The following IPO11 variants were observed in gnomAD, a reference collection of about 807,000 sequenced individuals.
IPO11 encodes the protein importin 11.
A neutral mutation model predicts 143.2 loss-of-function variants in IPO11; 66 were observed. That is an observed-to-expected ratio of 0.46 (90% CI 0.38 to 0.57). The LOEUF is 0.57. IPO11 is among the 20% of genes least tolerant of loss of function. The pLI, the probability that IPO11 is intolerant of heterozygous loss-of-function variation, is 0.00. For missense variants in IPO11, 1,026 were observed against 1,141.0 expected (o/e 0.90, Z 1.45); for synonymous variants, 385 against 377.8 (o/e 1.02, Z -0.22).
chr5:62,531,786 C>T (rs903082876), intron 22 of IPO11, among the ~76,000 whole-genome samples: 1 of 152,144 alleles, frequency 6.6e-6, no homozygotes, highest in African/African-American at 2.4e-5. Context: ...CACATTTTCT[C>T]CTAAATTTTT....
intron 29 of IPO11, among the ~76,000 whole-genome samples, chr5:62,609,617 T>C (rs989257331): frequency 1.3e-5 from 2 of 152,184 alleles, no homozygotes; most frequent in African/African-American, 2.4e-5. Context: ...AACTGAGATG[T>C]AGGGCTGACA....
chr5:62,481,689 C>T (rs1746219407), intron 9 of IPO11, among the ~76,000 whole-genome samples: 1 of 152,110 alleles, frequency 6.6e-6, no homozygotes, highest in African/African-American at 2.4e-5. Context: ...AGGATTTTCG[C>T]ATTGATGTTC....
intron 16 of IPO11, among the ~76,000 whole-genome samples, chr5:62,502,901 C>T (rs1054414670): frequency 6.6e-6 from 1 of 152,166 alleles, no homozygotes; most frequent in Non-Finnish European, 1.5e-5. Context: ...CAGCTTACTG[C>T]AACCCTCGCC....
chr5:62,597,210 G>T (rs965094438), intron 28 of IPO11, among the ~76,000 whole-genome samples: 17 of 152,070 alleles, frequency 1.1e-4, no homozygotes, highest in African/African-American at 3.9e-4. Flanking sequence ...GGAAACCTGT[G>T]GCATCAGGAT....
At chr5:62,451,024 G>A (rs1744906542) in intron 4 of IPO11, among the ~76,000 whole-genome samples, 1 of 152,112 alleles carries the variant, frequency 6.6e-6, no homozygotes, top group Non-Finnish European at 1.5e-5. Flanking sequence ...ACCTTTAATG[G>A]GGCAGGAGGT....
At chr5:62,427,006 C>A (rs1439070004) in intron 1 of IPO11, among the ~76,000 whole-genome samples, 4 of 138,352 alleles carry the variant, frequency 2.9e-5, no homozygotes, top group African/African-American at 2.7e-5. Flanking sequence ...GGCGCGATCT[C>A]GGCTCCCTGC....
chr5:62,527,417 C>T (rs1030852302), intron 21 of IPO11, among the ~76,000 whole-genome samples: 1 of 152,172 alleles, frequency 6.6e-6, no homozygotes, highest in East Asian at 1.9e-4. Context: ...GCCAATTAAA[C>T]ATCATTTATA....
chr5:62,596,096 TAA>T (rs34184081), intron 28 of IPO11, among the ~76,000 whole-genome samples: 190 of 140,572 alleles, frequency 1.4e-3, no homozygotes, highest in Non-Finnish European at 1.2e-3. Flanking sequence ...CTGTCTCTAT[TAA>T]AAAAAAAAAA....
chr5:62,476,856 G>T, intron 9 of IPO11, 103 bp downstream of exon 9: 1 of 1,235,046 alleles, frequency 8.1e-7, no homozygotes, highest in Non-Finnish European at 1.1e-6. Flanking sequence ...TTAGTGTAAG[G>T]AAACCTATGT....
chr5:62,575,998 A>T (rs1320223890), intron 27 of IPO11: 1 of 152,310 alleles, frequency 6.6e-6, no homozygotes, highest in East Asian at 1.9e-4. Flanking sequence ...GCCTTAGCAG[A>T]AGGATCGCTT....
At chr5:62,518,306 A>AT (rs1223178428) in intron 20 of IPO11, among the ~76,000 whole-genome samples, 4 of 151,930 alleles carry the variant, frequency 2.6e-5, no homozygotes, top group African/African-American at 9.7e-5. Context: ...TAGCCAGGTG[A>AT]GGTGGCACAT....
chr5:62,524,293 A>T (rs1332862247), intron 20 of IPO11, among the ~76,000 whole-genome samples: 2 of 152,196 alleles, frequency 1.3e-5, no homozygotes, highest in Non-Finnish European at 2.9e-5. Context: ...CTATAATTAC[A>T]TAAGATGTAA....
chr5:62,487,563 CTT>C (rs1746454358), intron 12 of IPO11, among the ~76,000 whole-genome samples: 1 of 151,304 alleles, frequency 6.6e-6, no homozygotes, highest in Admixed American at 6.6e-5. Flanking sequence ...ATGAAATCAA[CTT>C]TCTTTTATTA....
intron 29 of IPO11, among the ~76,000 whole-genome samples, chr5:62,621,996 G>A (rs779404987): frequency 2.0e-5 from 3 of 151,930 alleles, no homozygotes; most frequent in Non-Finnish European, 2.9e-5. Flanking sequence ...GCAAGTAATG[G>A]TAAATGGGTT....
At chr5:62,435,202 A>ATATATATGTG (rs1744170232) in intron 1 of IPO11, among the ~76,000 whole-genome samples, 1 of 107,016 alleles carries the variant, frequency 9.3e-6, no homozygotes, top group Non-Finnish European at 1.9e-5. Flanking sequence ...ATATATATGT[A>ATATATATGTG]TATATATGTG....
Position 62,506,348 on chromosome 5 carries a change from C to T in IPO11, c.1773C>T (p.Val591=). ...TCCTTTCTTGTGTGATCGAAAGAGTCAACATGCAGGTAATTATATTGTAAA... is the reference window on the plus strand; with the variant it reads ...TCCTTTCTTGTGTGATCGAAAGAGTTAACATGCAGGTAATTATATTGTAAA... ...LHVLSCVIER[V]NMQIRPYVGC... is the part of the protein sequence containing the mutation. The change falls in exon 19 of 30, where the codon GTC becomes GTT. Residue 591 remains valine, a synonymous_variant. Transcript: ENST00000325324. 1 of 1,479,764 alleles carries T rather than the reference C, an allele frequency of 6.8e-7. No homozygotes were observed. Among genetic ancestry groups the T allele is most frequent in the South Asian group, 1.1e-5 (1 of 87,288 alleles). The allele number at this position is 1,479,764 out of a possible 1,614,324, so 91.7% of individuals were successfully genotyped here.
intron 25 of IPO11, 99 bp downstream of exon 25, chr5:62,550,561 G>A (rs1419853427): frequency 3.9e-6 from 3 of 763,444 alleles, no homozygotes; most frequent in Non-Finnish European, 6.1e-6. Context: ...CTTGTCATTT[G>A]GATCATATTA....
intron 20 of IPO11, among the ~76,000 whole-genome samples, chr5:62,518,667 A>G (rs1366132374): frequency 1.3e-5 from 2 of 152,114 alleles, no homozygotes; most frequent in African/African-American, 4.8e-5. Context: ...AAATACTGCT[A>G]TCTTTTGGCT....
chr5:62,502,769 G>A (rs1741390646), intron 16 of IPO11, among the ~76,000 whole-genome samples: 1 of 152,060 alleles, frequency 6.6e-6, no homozygotes, highest in African/African-American at 2.4e-5. Context: ...AAGGGTTAGT[G>A]TGCTGGCAGT....
Sources: gnomAD v4.1 joint callset for allele counts (sites outside exome capture counted in the v4.1 genomes callset) on GRCh38, gnomAD v4.1.1 for gene constraint, MANE v1.5 for transcripts, NCBI Gene and HGNC (gene_info 2026-07-23, HGNC 2026-07-21) for gene names.